Variants in IFT88 observed in about 807,000 individuals in gnomAD.
IFT88 encodes the protein intraflagellar transport 88, also known as intraflagellar transport protein 88 homolog.
A neutral mutation model predicts 119.5 loss-of-function variants in IFT88; 74 were observed. The ratio of observed to expected loss-of-function variants is 0.62; its 90% CI spans 0.51 to 0.75. IFT88 has a LOEUF of 0.75. IFT88 is among the 30% of genes least tolerant of loss of function. The pLI, the probability that IFT88 is intolerant of heterozygous loss-of-function variation, is 0.00. For missense variants in IFT88, 961 were observed against 977.7 expected, an observed-to-expected ratio of 0.98 and a Z score of 0.23; for synonymous variants, 279 against 316.7, an observed-to-expected ratio of 0.88 and a Z score of 1.26.
intron 20 of IFT88, among the ~76,000 whole-genome samples, chr13:20,652,707 C>T (rs771415488): frequency 7.2e-5 from 11 of 151,914 alleles, no homozygotes; most frequent in Non-Finnish European, 1.6e-4. Flanking sequence ...TTATACTTAC[C>T]TTTATAGAGG....
rs1412617756 is a variant in IFT88, at chr13:20,638,317, A to T, written c.1387-15A>T. On this transcript the variant is annotated splice_polypyrimidine_tract_variant and intron_variant, in intron 16 of 25. Coordinates refer to ENST00000351808, the MANE Select transcript of IFT88 (RefSeq NM_006531.5). ...TTCATGAAATTCAAATAATTTGTAT[A>T]TGTATTTTACTTAGGGAAAGGATTT... is the stretch of plus-strand genomic sequence containing the variant. 2 of 1,282,472 alleles carry T rather than the reference A, an allele frequency of 1.6e-6. No individual in the cohort carries two copies. The highest frequency in any genetic ancestry group is 6.1e-5 in the Admixed American group (2 of 33,036). 79.4% of individuals were successfully genotyped at this position (1,282,472 alleles called of 1,614,324 possible).
intron 23 of IFT88, 92 bp downstream of exon 23, chr13:20,663,696 GA>G: frequency 2.2e-6 from 2 of 893,560 alleles, no homozygotes; most frequent in Non-Finnish European, 3.4e-6. Flanking sequence ...GCTTCTATAA[GA>G]AAACAGAGTT....
chr13:20,591,517 A>G, intron 5 of IFT88, 101 bp from the exon 6 acceptor site: 1 of 782,802 alleles, frequency 1.3e-6, no homozygotes, highest in Non-Finnish European at 2.0e-6. Flanking sequence ...GAAAATCAGC[A>G]TTTTTTTAAA....
rs1262425151 is a variant in IFT88 at position 20,691,006 on chromosome 13, TTTTG to T, written c.2354-40_2354-37del. On this transcript the variant is annotated intron_variant, in intron 25 of 25. Transcript: ENST00000351808. ...ATGAGCCTGATTGGTTTCACATTTGTTTTGTTTGTTTACATAACTCTAACGTGAC... is the reference window on the plus strand; with the variant it reads ...ATGAGCCTGATTGGTTTCACATTTGTTTTGTTTACATAACTCTAACGTGAC... 3.1e-6 allele frequency: 5 copies of T among 1,597,258 alleles called. No individual in the cohort carries two copies. The African/African-American group carries it at 4.0e-5, about 13-fold the overall frequency.
chr13:20,613,381 A>G (rs2044955103), intron 13 of IFT88, among the ~76,000 whole-genome samples: 1 of 151,970 alleles, frequency 6.6e-6, no homozygotes. Flanking sequence ...TGAAAACTGC[A>G]GTGAGATACT....
At chr13:20,582,676 G>C (rs1304849417) in intron 2 of IFT88, among the ~76,000 whole-genome samples, 1 of 152,126 alleles carries the variant, frequency 6.6e-6, no homozygotes, top group Non-Finnish European at 1.5e-5. Flanking sequence ...TTGTATACTT[G>C]ATGTTTCAAC....
chr13:20,584,809 C>T (rs2039354053), intron 3 of IFT88, among the ~76,000 whole-genome samples: 1 of 152,208 alleles, frequency 6.6e-6, no homozygotes, highest in Non-Finnish European at 1.5e-5. Context: ...TACTATACAG[C>T]AGTGGCTCTC....
At chr13:20,616,902 A>G (rs2045710424) in intron 14 of IFT88, among the ~76,000 whole-genome samples, 1 of 152,034 alleles carries the variant, frequency 6.6e-6, no homozygotes, top group Non-Finnish European at 1.5e-5. Flanking sequence ...ACTGTTGTCT[A>G]TGTGGTTGGT....
At chr13:20,644,796 A>T (rs371010543) in intron 19 of IFT88, 47 bp from the exon 20 acceptor site, 1 of 795,736 alleles carries the variant, frequency 1.3e-6, no homozygotes, top group African/African-American at 1.7e-5. Context: ...AGTAAATTAT[A>T]TGTTGCCATT....
At position 20,589,981 on chromosome 13, in the gene IFT88, A is replaced by G. The variant is rs565630014; in HGVS notation, c.210+114A>G. 7.4e-6 allele frequency: 4 copies of G among 536,936 alleles called. No homozygotes were observed. The East Asian group carries it at 8.9e-5, about 12-fold the overall frequency. The allele number at this position is 536,936 out of a possible 1,614,324, so 33.3% of individuals were successfully genotyped here. On this transcript the variant is annotated intron_variant, in intron 4 of 25. Coordinates refer to ENST00000351808, the MANE Select transcript of IFT88 (RefSeq NM_006531.5). ...AGGTCATAATCCAAATATATTTTCT[A>G]TTTTGGATACTTACAAACATTATAC...
chr13:20,690,812 A>G lies in IFT88; in HGVS notation c.2350A>G (p.Ile784Val). Residue 784 changes from isoleucine (I) to valine (V), a missense_variant, in exon 25 of 26, where the codon ATA becomes GTA. Physicochemically the swap from Ile to Val is conservative, Grantham distance 29. Transcript: ENST00000351808. ...EPYESSSNKEIDASYVDPLGP... is the reference protein window; with the variant it reads ...EPYESSSNKEVDASYVDPLGP... Reference sequence around the variant, plus strand: ...TTATGAAAGTAGCAGTAACAAAGAAATAGGCAAGTACTCTCCACCCAGTTC... The same window carrying G: ...TTATGAAAGTAGCAGTAACAAAGAAGTAGGCAAGTACTCTCCACCCAGTTC... 6.2e-7 allele frequency: 1 copy of G among 1,604,278 alleles called. No individual in the cohort carries two copies.
At chr13:20,656,816 T>G (rs1311581016) in intron 22 of IFT88, among the ~76,000 whole-genome samples, 1 of 152,242 alleles carries the variant, frequency 6.6e-6, no homozygotes, top group Non-Finnish European at 1.5e-5. Flanking sequence ...AAAATAATTT[T>G]AGGGTTTATA....
intron 23 of IFT88, among the ~76,000 whole-genome samples, chr13:20,664,822 A>G (rs191761969): frequency 1.9e-3 from 289 of 152,246 alleles, no homozygotes; most frequent in Admixed American, 2.7e-3. Context: ...GCTCACGCCT[A>G]TAATCCCAGC....
At position 20,653,302 on chromosome 13, in the gene IFT88, C is replaced by T. The variant is rs574296761; in HGVS notation, c.1950-574C>T. On this transcript the variant is annotated intron_variant, in intron 20 of 25. Coordinates refer to ENST00000351808, the MANE Select transcript of IFT88 (RefSeq NM_006531.5). ...AGAAAGGAGATTCAAAAAAATGAGG[C>T]GAGCATAAATTGTTCCCTAGGTGTT... Among the ~76,000 whole-genome samples the T allele has an allele frequency of 1.4e-4, 22 of 152,206 alleles. No individual in the cohort carries two copies. The South Asian group carries it at 3.7e-3, about 26-fold the overall frequency.
intron 22 of IFT88, among the ~76,000 whole-genome samples, chr13:20,660,975 G>A (rs74872016): frequency 6.6e-6 from 1 of 152,092 alleles, no homozygotes; most frequent in Non-Finnish European, 1.5e-5. Context: ...AAAAAATGGA[G>A]TGTTCACTAG....
chr13:20,655,036 G>A (rs1821114730), intron 21 of IFT88, among the ~76,000 whole-genome samples: 1 of 152,104 alleles, frequency 6.6e-6, no homozygotes, highest in Non-Finnish European at 1.5e-5. Context: ...AAGATTTTAG[G>A]AAAGATCTTT....
At chr13:20,682,035 C>T (rs981472293) in intron 24 of IFT88, among the ~76,000 whole-genome samples, 46 of 152,300 alleles carry the variant, frequency 3.0e-4, no homozygotes, top group African/African-American at 9.1e-4. Context: ...AGAACACCTA[C>T]GAAATCAGCT....
chr13:20,569,900 C>T (rs1161593119), intron 1 of IFT88, among the ~76,000 whole-genome samples: 1 of 151,862 alleles, frequency 6.6e-6, no homozygotes, highest in African/African-American at 2.4e-5. Flanking sequence ...AAAAAATTAG[C>T]CGGGCTTGGT....
At chr13:20,572,629 T>C (rs2137896292) in intron 1 of IFT88, among the ~76,000 whole-genome samples, 1 of 152,366 alleles carries the variant, frequency 6.6e-6, no homozygotes, top group South Asian at 2.1e-4. Context: ...TAGTTCTTAC[T>C]TTTGAGGTAA....
Sources: gnomAD v4.1 joint callset for allele counts (sites outside exome capture counted in the v4.1 genomes callset) on GRCh38, gnomAD v4.1.1 for gene constraint, MANE v1.5 for transcripts, NCBI Gene and HGNC (gene_info 2026-07-23, HGNC 2026-07-21) for gene names.